TAFA2: variants seen among roughly 807,000 people sequenced by gnomAD.
TAFA2 encodes the protein TAFA chemokine like family member 2.
TAFA2 carries 7 observed loss-of-function variants against 18.8 expected under a neutral mutation model. That is an observed-to-expected ratio of 0.37 (90% CI 0.21 to 0.70). The LOEUF is 0.70. TAFA2 is among the 30% of genes least tolerant of loss of function. TAFA2 has a pLI of 0.53. For synonymous variants in TAFA2, 60 were observed against 54.2 expected, an observed-to-expected ratio of 1.11 and a Z score of -0.47; for missense variants, 122 against 158.1, an observed-to-expected ratio of 0.77 and a Z score of 1.23.
intron 1 of TAFA2, among the ~76,000 whole-genome samples, chr12:61,902,576 G>A (rs780569280): frequency 2.6e-5 from 4 of 152,042 alleles, no homozygotes; most frequent in African/African-American, 7.2e-5. Context: ...TGTTTTGCTG[G>A]CATTTGCTCT....
chr12:62,225,462 A>G lies in TAFA2; in HGVS notation c.-130+33301T>C, dbSNP rs566163836. ...ATCTTGAAATCAGAAAAGCCTTTCT[A>G]AGCGTGCTTCTAAACTGAAAAGCCA... On this transcript the variant is annotated intron_variant, in intron 1 of 5. Transcript: ENST00000551619. 2.0e-5 allele frequency among the ~76,000 whole-genome samples: 3 copies of G among 152,354 alleles called. No individual in the cohort carries two copies. In the East Asian group the frequency reaches 5.8e-4, roughly 29 times the overall value.
intron 1 of TAFA2, among the ~76,000 whole-genome samples, chr12:61,930,622 A>G (rs1358694550): frequency 6.6e-6 from 1 of 152,232 alleles, no homozygotes; most frequent in Non-Finnish European, 1.5e-5. Context: ...ATCACGCTCT[A>G]TACTGCTCCA....
At chr12:61,715,923 A>AAC (rs1869638733) in intron 4 of TAFA2, among the ~76,000 whole-genome samples, 1 of 152,028 alleles carries the variant, frequency 6.6e-6, no homozygotes, top group African/African-American at 2.4e-5. Context: ...TAAAAAAAAA[A>AAC]ATTGTAAAAA....
At chr12:62,005,615 G>GT (rs1210410779) in intron 1 of TAFA2, among the ~76,000 whole-genome samples, 2 of 152,076 alleles carry the variant, frequency 1.3e-5, no homozygotes, top group African/African-American at 4.8e-5. Flanking sequence ...AGATAATCTA[G>GT]TTCAAACTAT....
At chr12:61,986,707 T>C (rs1404800542) in intron 1 of TAFA2, among the ~76,000 whole-genome samples, 1 of 152,036 alleles carries the variant, frequency 6.6e-6, no homozygotes, top group African/African-American at 2.4e-5. Flanking sequence ...CACCCTACCC[T>C]TCTAACAGGA....
intron 1 of TAFA2, among the ~76,000 whole-genome samples, chr12:62,062,850 C>G (rs56085119): frequency 0.12 from 18,676 of 152,028 alleles, 1,278 homozygotes; most frequent in African/African-American, 0.16. Flanking sequence ...AAGGCCTTTC[C>G]CAGCTTTTAA....
chr12:61,779,275 C>T (rs1407751024), intron 2 of TAFA2, among the ~76,000 whole-genome samples: 1 of 151,544 alleles, frequency 6.6e-6, no homozygotes, highest in African/African-American at 2.4e-5. Flanking sequence ...GAGTTTAATC[C>T]AATAATTGCA....
chr12:62,245,110 A>AT (rs1003579866), intron 1 of TAFA2, among the ~76,000 whole-genome samples: 5 of 151,922 alleles, frequency 3.3e-5, no homozygotes, highest in African/African-American at 9.7e-5. Flanking sequence ...GTATAAAAAT[A>AT]TTTTTTTTCT....
chr12:62,104,289 A>T (rs1299125532), intron 1 of TAFA2, among the ~76,000 whole-genome samples: 1 of 144,930 alleles, frequency 6.9e-6, no homozygotes, highest in East Asian at 2.0e-4. Flanking sequence ...AAAAAAAAAA[A>T]GCTAATGTAA....
At chr12:62,038,388 C>T (rs78341425) in intron 1 of TAFA2, among the ~76,000 whole-genome samples, 109 of 152,144 alleles carry the variant, frequency 7.2e-4, no homozygotes, top group African/African-American at 2.5e-3. Context: ...TCCACAAACT[C>T]GACCAACTGC....
chr12:61,907,976 G>A (rs11174233), intron 1 of TAFA2, among the ~76,000 whole-genome samples: 82,640 of 151,972 alleles, frequency 0.54, 23,781 homozygotes, highest in African/African-American at 0.73. Context: ...CCCAATGTCT[G>A]TACCCCATTG....
intron 1 of TAFA2, among the ~76,000 whole-genome samples, chr12:62,076,288 C>T (rs1187653369): frequency 6.6e-6 from 1 of 152,052 alleles, no homozygotes; most frequent in Non-Finnish European, 1.5e-5. Flanking sequence ...TTTGAAGTTT[C>T]TTTGAGAAAA....
intron 1 of TAFA2, among the ~76,000 whole-genome samples, chr12:62,036,022 G>A (rs984083935): frequency 1.3e-5 from 2 of 152,016 alleles, no homozygotes; most frequent in Non-Finnish European, 2.9e-5. Flanking sequence ...TTACAGGCGT[G>A]AGCCACCGCG....
At chr12:61,773,094 A>G (rs967180983) in intron 2 of TAFA2, among the ~76,000 whole-genome samples, 2 of 151,876 alleles carry the variant, frequency 1.3e-5, no homozygotes, top group Non-Finnish European at 2.9e-5. Context: ...CAAGAACTCA[A>G]CTCATTTTAT....
chr12:61,866,512 A>G (rs1874361644), intron 2 of TAFA2, among the ~76,000 whole-genome samples: 1 of 152,210 alleles, frequency 6.6e-6, no homozygotes, highest in South Asian at 2.1e-4. Context: ...TTGATTTCTC[A>G]GGTTATGAAT....
rs1205746145 is a variant in TAFA2 at position 61,934,585 on chromosome 12, GATT to G, written c.-1-67162_-1-67160del. On this transcript the variant is annotated intron_variant, in intron 1 of 4. Transcript: ENST00000416284. ...TCTGGGACCATCAAACACATACCAA[GATT>G]ATTGTTTGCCTGGGAAAACCCTGCT... 5.9e-5 allele frequency among the ~76,000 whole-genome samples: 9 copies of G among 152,188 alleles called. No individual in the cohort carries two copies. In the East Asian group the frequency reaches 1.3e-3, roughly 23 times the overall value.
chr12:62,245,252 T>C (rs1432192227), intron 1 of TAFA2, among the ~76,000 whole-genome samples: 1 of 152,154 alleles, frequency 6.6e-6, no homozygotes, highest in Non-Finnish European at 1.5e-5. Flanking sequence ...ATTTCTCCAT[T>C]GCTTTGTAAT....
At chr12:61,839,076 G>C (rs1409817627) in intron 2 of TAFA2, among the ~76,000 whole-genome samples, 2 of 152,060 alleles carry the variant, frequency 1.3e-5, no homozygotes, top group East Asian at 3.9e-4. Flanking sequence ...TGCTTTCTCA[G>C]ATATTAAAAC....
chr12:61,902,035 C>G (rs1876124462), intron 1 of TAFA2, among the ~76,000 whole-genome samples: 1 of 147,214 alleles, frequency 6.8e-6, no homozygotes. Context: ...CTCTGAACCT[C>G]TGCCAGTTAA....
Sources: gnomAD v4.1 joint callset for allele counts (sites outside exome capture counted in the v4.1 genomes callset) on GRCh38, gnomAD v4.1.1 for gene constraint, MANE v1.5 for transcripts, NCBI Gene and HGNC (gene_info 2026-07-23, HGNC 2026-07-21) for gene names.